Variants in FSTL4 observed in about 807,000 individuals in gnomAD.
The protein encoded by FSTL4 is follistatin like 4, also known as follistatin-related protein 4.
Under a neutral mutation model 78.2 loss-of-function variants are expected in FSTL4, and 28 were observed. The observed-to-expected ratio is 0.36, with a 90% CI of 0.27 to 0.49. The LOEUF is 0.49. FSTL4 is among the 20% of genes least tolerant of loss of function. The pLI is 0.98. For synonymous variants in FSTL4, 422 were observed against 440.5 expected (o/e 0.96, Z 0.53); for missense variants, 922 against 1,084.9 (o/e 0.85, Z 2.11).
chr5:133,265,277 C>T (rs1752619248), intron 6 of FSTL4, among the ~76,000 whole-genome samples: 1 of 152,202 alleles, frequency 6.6e-6, no homozygotes, highest in Non-Finnish European at 1.5e-5. Flanking sequence ...GAACTGCCGG[C>T]CACTCTCCAA....
chr5:133,485,332 G>A (rs992021034), intron 3 of FSTL4, among the ~76,000 whole-genome samples: 1 of 152,210 alleles, frequency 6.6e-6, no homozygotes. Flanking sequence ...GACTCACAGA[G>A]AAAGCAGGAG....
the FSTL4 span, among the ~76,000 whole-genome samples, chr5:133,680,110 C>T: frequency 6.6e-6 from 1 of 152,128 alleles, no homozygotes; most frequent in East Asian, 1.9e-4. Flanking sequence ...CTGCTGGCTC[C>T]CCAAAGTCTA....
intron 3 of FSTL4, among the ~76,000 whole-genome samples, chr5:133,517,510 C>CACACACACACACAA (rs1491432421): frequency 8.4e-6 from 1 of 118,656 alleles, no homozygotes; most frequent in Non-Finnish European, 1.8e-5. Flanking sequence ...CACACACACA[C>CACACACACACACAA]AAACTGAAAG....
chr5:133,832,087 C>A, the FSTL4 span, among the ~76,000 whole-genome samples: 1 of 152,178 alleles, frequency 6.6e-6, no homozygotes, highest in Non-Finnish European at 1.5e-5. Context: ...TTACTTAGCA[C>A]TTGCGGACTT....
intron 8 of FSTL4, among the ~76,000 whole-genome samples, chr5:133,227,024 C>T (rs1751354996): frequency 6.6e-6 from 1 of 152,160 alleles, no homozygotes; most frequent in African/African-American, 2.4e-5. Flanking sequence ...TCCATCAACT[C>T]AGTCTGAATT....
rs1002269170 is a variant in FSTL4 at position 133,361,601 on chromosome 5, C to T, written c.409+39137G>A. On this transcript the variant is annotated intron_variant, in intron 4 of 15. Coordinates refer to ENST00000265342, the MANE Select transcript of FSTL4 (RefSeq NM_015082.2). This position sits in a 1 kb window ranked among gnomAD's most constrained non-coding sequence, Gnocchi z 4.3. ...GTCCCTTTTTACCCCAAAAATTTCC[C>T]TAAAAATTTTGAGACTGGGAATGTA... Among the ~76,000 whole-genome samples, 2 of 152,148 alleles carry T rather than the reference C, an allele frequency of 1.3e-5. No individual in the cohort carries two copies. The highest frequency in any genetic ancestry group is 6.5e-5 in the Admixed American group (1 of 15,276).
intron 3 of FSTL4, among the ~76,000 whole-genome samples, chr5:133,529,799 T>C (rs1413915093): frequency 6.6e-6 from 1 of 152,150 alleles, no homozygotes; most frequent in African/African-American, 2.4e-5. Context: ...GTTTTTTGTA[T>C]ATTGCTATTC....
the FSTL4 span, among the ~76,000 whole-genome samples, chr5:133,722,164 C>T: frequency 6.6e-6 from 1 of 152,198 alleles, no homozygotes; most frequent in Admixed American, 6.5e-5. Flanking sequence ...AGTAGTACGT[C>T]CTGAGCTCCA....
Position 133,210,192 on chromosome 5 carries a change from TG to T in FSTL4, c.1714del (p.Gln572ArgfsTer2). ...GDVHKSRPSL[Q>X]VITEASTGQS... Reference sequence around the variant, plus strand: ...TCAGCCTCCATGTGCTCAACATACCTGGAGACTTGGTCGGGACTTGTGCACG... The same window carrying T: ...TCAGCCTCCATGTGCTCAACATACCTGAGACTTGGTCGGGACTTGTGCACG... On this transcript the variant is annotated frameshift_variant and splice_region_variant, in exon 14 of 16. Transcript: ENST00000265342. LOFTEE classifies it high-confidence loss of function. 3 of 1,559,462 alleles carry T rather than the reference TG, an allele frequency of 1.9e-6. No homozygotes were observed. The highest frequency in any genetic ancestry group is 2.7e-6 in the Non-Finnish European group (3 of 1,130,080).
At chr5:133,742,976 CA>C in the FSTL4 span, among the ~76,000 whole-genome samples, 1 of 152,124 alleles carries the variant, frequency 6.6e-6, no homozygotes, top group African/African-American at 2.4e-5. Flanking sequence ...TGTGGCTTTT[CA>C]ATTCTCTGAG....
the FSTL4 span, among the ~76,000 whole-genome samples, chr5:133,688,678 G>C: frequency 3.3e-5 from 5 of 152,368 alleles, no homozygotes; most frequent in South Asian, 1.0e-3. Context: ...GAGATAAATA[G>C]GTCTCGCTCA....
rs1357014170 is a variant in FSTL4, at chr5:133,588,419, G to T, written c.126+15439C>A. Among the ~76,000 whole-genome samples the T allele has an allele frequency of 1.5e-4, 9 of 59,428 alleles. 1 individual carries two copies. Among genetic ancestry groups the T allele is most frequent in the Middle Eastern group, 8.1e-3 (1 of 124 alleles). 39.0% of individuals were successfully genotyped at this position (59,428 alleles called of 152,430 possible). A position where few individuals can be genotyped will look rare whatever the true frequency, so the allele number is the denominator to read the frequency against. ...AGGGCTAATATCCAGAATCTACAAT[G>T]AACTCAAACAAATTTACAAGAAAAA... On this transcript the variant is annotated intron_variant, in intron 2 of 15. Coordinates refer to ENST00000265342, the MANE Select transcript of FSTL4 (RefSeq NM_015082.2).
chr5:133,582,974 G>A (rs184677915), intron 2 of FSTL4, among the ~76,000 whole-genome samples: 7 of 152,182 alleles, frequency 4.6e-5, no homozygotes, highest in Non-Finnish European at 8.8e-5. Context: ...TACTCTGAAG[G>A]AGCCACCACA....
chr5:133,504,946 A>G (rs926360924), intron 3 of FSTL4, among the ~76,000 whole-genome samples: 1 of 152,226 alleles, frequency 6.6e-6, no homozygotes, highest in Admixed American at 6.5e-5. Flanking sequence ...GGACTCCTGT[A>G]AGAGACTGGT....
chr5:133,758,967 G>A, the FSTL4 span, among the ~76,000 whole-genome samples: 1 of 152,208 alleles, frequency 6.6e-6, no homozygotes, highest in African/African-American at 2.4e-5. Flanking sequence ...TCAGAGGATG[G>A]AAACTGCAAG....
chr5:133,560,175 T>C (rs1759882093), intron 3 of FSTL4, among the ~76,000 whole-genome samples: 1 of 152,198 alleles, frequency 6.6e-6, no homozygotes, highest in Non-Finnish European at 1.5e-5. Context: ...CTGTGGCTCT[T>C]GGGGAGGATT....
intron 2 of FSTL4, among the ~76,000 whole-genome samples, chr5:133,598,106 T>C (rs1449307311): frequency 6.6e-6 from 1 of 152,130 alleles, no homozygotes; most frequent in Non-Finnish European, 1.5e-5. Context: ...ATCAAGCTAT[T>C]TTCCAGCATG....
At chr5:133,629,713 A>G in the FSTL4 span, among the ~76,000 whole-genome samples, 11 of 152,208 alleles carry the variant, frequency 7.2e-5, no homozygotes, top group Non-Finnish European at 1.6e-4. Flanking sequence ...TTTCAGGCCA[A>G]TATCCCTGAC....
At chr5:133,330,041 C>A (rs1287301545) in intron 4 of FSTL4, among the ~76,000 whole-genome samples, 2 of 152,158 alleles carry the variant, frequency 1.3e-5, no homozygotes, top group Non-Finnish European at 2.9e-5. Flanking sequence ...AAAGCGACAA[C>A]ACTTGAATAT....
Sources: allele counts gnomAD v4.1 joint callset (sites outside exome capture counted in the v4.1 genomes callset), GRCh38; gene constraint gnomAD v4.1.1; non-coding constraint Gnocchi (gnomAD v3.1); transcripts MANE v1.5; gene names NCBI Gene and HGNC (gene_info 2026-07-23, HGNC 2026-07-21).